The following PTH2R variants were observed in gnomAD, a reference collection of about 807,000 sequenced individuals.
PTH2R encodes parathyroid hormone 2 receptor.
Under a neutral mutation model 60.3 loss-of-function variants are expected in PTH2R, and 59 were observed. The observed-to-expected ratio is 0.98, with a 90% CI of 0.79 to 1.22. The LOEUF (loss-of-function observed/expected upper bound fraction) is 1.22. Ranked by LOEUF, PTH2R falls within the 50% of genes most tolerant of loss-of-function variation. The probability of loss-of-function intolerance (pLI) is 0.00; values close to 1 mark genes in which losing one functional copy is unlikely to be tolerated. For synonymous variants in PTH2R, 256 were observed against 243.8 expected, an observed-to-expected ratio of 1.05 and a Z score of -0.47; for missense variants, 749 against 682.6, an observed-to-expected ratio of 1.10 and a Z score of -1.08.
At chr2:208,364,148 CA>C (rs1269231544) in intron 1 of PTH2R, among the ~76,000 whole-genome samples, 1 of 152,100 alleles carries the variant, frequency 6.6e-6, no homozygotes, top group Non-Finnish European at 1.5e-5. Flanking sequence ...ATATGATTTG[CA>C]AAACATTTTC....
intron 1 of PTH2R, among the ~76,000 whole-genome samples, chr2:208,381,251 A>T (rs953786742): frequency 2.0e-5 from 3 of 151,982 alleles, no homozygotes; most frequent in Non-Finnish European, 2.9e-5. Context: ...TAGATGTATC[A>T]TATCCAGTTA....
chr2:208,474,118 G>A (rs147849856), intron 9 of PTH2R, among the ~76,000 whole-genome samples: 25 of 152,298 alleles, frequency 1.6e-4, no homozygotes, highest in African/African-American at 5.8e-4. Flanking sequence ...GTTGCTGACT[G>A]TACTATGATT....
In PTH2R at chr2:208,434,209, G is replaced by A. The variant is rs538404549; in HGVS notation, c.179-3328G>A. On this transcript the variant is annotated intron_variant, in intron 2 of 12. Coordinates refer to ENST00000272847, the MANE Select transcript of PTH2R (RefSeq NM_005048.4). The stretch of plus-strand genomic sequence containing the variant: ...GGTGCCTGTAGTCCCAGCTACTTGG[G>A]AGGATGAACAGGAAAACTGCTTGAA... 9.2e-5 allele frequency among the ~76,000 whole-genome samples: 14 copies of A among 152,138 alleles called. 3 individuals are homozygous for A. The highest frequency in any genetic ancestry group is 3.4e-4 in the African/African-American group (14 of 41,490).
chr2:208,429,601 C>G (rs1419794653), intron 2 of PTH2R, among the ~76,000 whole-genome samples: 1 of 152,028 alleles, frequency 6.6e-6, no homozygotes, highest in Non-Finnish European at 1.5e-5. Context: ...CTTTTCCAAT[C>G]CTTTAAAAAT....
At chr2:208,389,676 G>A (rs1701070080) in intron 1 of PTH2R, among the ~76,000 whole-genome samples, 1 of 152,146 alleles carries the variant, frequency 6.6e-6, no homozygotes, top group Non-Finnish European at 1.5e-5. Flanking sequence ...TTAACATAGT[G>A]TGCCAAACAT....
At chr2:208,428,166 T>C (rs1053400973) in intron 1 of PTH2R, 35 bp from the exon 2 acceptor site, 3 of 1,499,548 alleles carry the variant, frequency 2.0e-6, no homozygotes, top group African/African-American at 2.8e-5. Context: ...TGAAAAAACA[T>C]GATGAAAATG....
At chr2:208,376,418 C>T (rs1276542557) in intron 1 of PTH2R, among the ~76,000 whole-genome samples, 1 of 152,010 alleles carries the variant, frequency 6.6e-6, no homozygotes, top group East Asian at 1.9e-4. Context: ...TAAATAACAT[C>T]TGGGTTGGCA....
intron 8 of PTH2R, among the ~76,000 whole-genome samples, chr2:208,456,487 G>A (rs1327603222): frequency 1.3e-5 from 2 of 152,188 alleles, no homozygotes; most frequent in Non-Finnish European, 2.9e-5. Flanking sequence ...AAAGGTGGGG[G>A]CTGCAAAGGA....
chr2:208,440,009 A>C (rs942289185), intron 4 of PTH2R, among the ~76,000 whole-genome samples: 1 of 152,244 alleles, frequency 6.6e-6, no homozygotes, highest in African/African-American at 2.4e-5. Flanking sequence ...ATATGCATAT[A>C]AATTTTATAA....
At chr2:208,367,356 G>T (rs1305348516) in intron 1 of PTH2R, among the ~76,000 whole-genome samples, 1 of 151,202 alleles carries the variant, frequency 6.6e-6, no homozygotes, top group Non-Finnish European at 1.5e-5. Context: ...GATTACAGAT[G>T]TGAGCCACTG....
intron 2 of PTH2R, among the ~76,000 whole-genome samples, chr2:208,431,652 C>G (rs1433889677): frequency 1.3e-5 from 2 of 152,208 alleles, no homozygotes. Flanking sequence ...AAACCAATCT[C>G]TTTCTGAAGG....
chr2:208,424,983 T>A (rs1335775183), intron 1 of PTH2R, among the ~76,000 whole-genome samples: 1 of 152,102 alleles, frequency 6.6e-6, no homozygotes, highest in Non-Finnish European at 1.5e-5. Context: ...GCCAAGAAAC[T>A]AAGCAAATCA....
chr2:208,435,107 A>G (rs1321349652), intron 2 of PTH2R, among the ~76,000 whole-genome samples: 2 of 152,246 alleles, frequency 1.3e-5, no homozygotes, highest in African/African-American at 4.8e-5. Context: ...TTTCAGGTTC[A>G]TAACTGAATT....
chr2:208,438,068 G>A (rs11675273), intron 4 of PTH2R, among the ~76,000 whole-genome samples, 187 bp downstream of exon 4: 1 of 152,120 alleles, frequency 6.6e-6, no homozygotes, highest in Non-Finnish European at 1.5e-5. Flanking sequence ...CTATAGCCTA[G>A]AGCTACCTGG....
chr2:208,428,761 A>G (rs1461612707), intron 2 of PTH2R, among the ~76,000 whole-genome samples: 2 of 152,198 alleles, frequency 1.3e-5, no homozygotes, highest in Middle Eastern at 3.2e-3. Context: ...TGATCAGAGA[A>G]TGTGGTCTGC....
intron 1 of PTH2R, among the ~76,000 whole-genome samples, chr2:208,372,742 A>C (rs1298259233): frequency 1.3e-5 from 2 of 152,120 alleles, no homozygotes; most frequent in East Asian, 3.8e-4. Flanking sequence ...GAATTCTATT[A>C]ATGATGAAAT....
rs1703467352 is a variant in PTH2R at position 208,493,723 on chromosome 2, T to G, written c.*64T>G. 8 of 1,483,012 alleles carry G rather than the reference T, an allele frequency of 5.4e-6. No homozygotes were observed. The highest frequency in any genetic ancestry group is 6.3e-6 in the Non-Finnish European group (7 of 1,109,626). The allele number at this position is 1,483,012 out of a possible 1,614,324, so 91.9% of individuals were successfully genotyped here. On this transcript the variant is annotated 3_prime_UTR_variant, in exon 13 of 13. Coordinates refer to ENST00000272847, the MANE Select transcript of PTH2R (RefSeq NM_005048.4). Reference sequence around the variant, plus strand: ...GGCTGGTTGTGTGAGAGGGCTTGGCTGATACTCCTATGCTTGAGTTCAAAG... The same window carrying G: ...GGCTGGTTGTGTGAGAGGGCTTGGCGGATACTCCTATGCTTGAGTTCAAAG...
upstream of PTH2R, among the ~76,000 whole-genome samples, chr2:208,403,385 CA>C (rs886409267): frequency 1.3e-5 from 2 of 152,152 alleles, no homozygotes; most frequent in Non-Finnish European, 2.9e-5. Flanking sequence ...AAATTCTTGA[CA>C]GAAGAGTGTG....
rs182530906 is a variant in PTH2R, at chr2:208,481,096, G to A, written c.1008G>A (p.Thr336=). 5.5e-4 allele frequency: 890 copies of A among 1,609,244 alleles called. 4 individuals carry two copies. The Middle Eastern group carries it at 0.011, about 19-fold the overall frequency. Residue 336 remains threonine (T), a synonymous_variant, in exon 10 of 13, where the codon ACG becomes ACA. Coordinates refer to ENST00000272847, the MANE Select transcript of PTH2R (RefSeq NM_005048.4). The part of the protein sequence containing the change: ...IGLNFILFLN[T]VRVLATKIWE... ...TGAATTTTATTCTGTTTCTGAATAC[G>A]GTTAGAGTTCTAGCTACCAAAATCT... is the stretch of plus-strand genomic sequence containing the variant.
Sources: gnomAD v4.1 joint callset for allele counts (sites outside exome capture counted in the v4.1 genomes callset) on GRCh38, gnomAD v4.1.1 for gene constraint, MANE v1.5 for transcripts, NCBI Gene and HGNC (gene_info 2026-07-23, HGNC 2026-07-21) for gene names.